NECTIN3: variants seen among roughly 807,000 people sequenced by gnomAD.
NECTIN3 encodes nectin cell adhesion molecule 3.
A neutral mutation model predicts 49.4 loss-of-function variants in NECTIN3; 8 were observed. The ratio of observed to expected loss-of-function variants is 0.16; its 90% CI spans 0.10 to 0.29. NECTIN3 has a LOEUF of 0.29. Ranked by LOEUF, NECTIN3 falls within the 10% of genes least tolerant of loss-of-function variation. The pLI, the probability that NECTIN3 is intolerant of heterozygous loss-of-function variation, is 1.00. For synonymous variants in NECTIN3, 277 were observed against 241.1 expected (o/e 1.15, Z -1.38); for missense variants, 581 against 654.6 (o/e 0.89, Z 1.23).
chr3:111,106,921 G>A (rs959792112), intron 1 of NECTIN3, among the ~76,000 whole-genome samples: 2 of 152,100 alleles, frequency 1.3e-5, no homozygotes, highest in South Asian at 4.2e-4. Flanking sequence ...TGCCATTACT[G>A]TAGGCTGAGA....
At chr3:111,177,267 A>G (rs2035547640) in intron 7 of NECTIN3, among the ~76,000 whole-genome samples, 1 of 152,134 alleles carries the variant, frequency 6.6e-6, no homozygotes, top group Non-Finnish European at 1.5e-5. Flanking sequence ...TTTATTATTT[A>G]AAAATATTTA....
intron 2 of NECTIN3, among the ~76,000 whole-genome samples, chr3:111,112,750 G>C (rs72937910): frequency 6.6e-6 from 1 of 151,580 alleles, no homozygotes; most frequent in African/African-American, 2.4e-5. Context: ...ATTGAGTTTT[G>C]CATCTAGGAG....
At chr3:111,166,937 A>G (rs1001930480) in intron 7 of NECTIN3, among the ~76,000 whole-genome samples, 6 of 152,184 alleles carry the variant, frequency 3.9e-5, no homozygotes, top group Admixed American at 6.5e-5. Flanking sequence ...AGGTAGGTAG[A>G]TAGATTTGAA....
intron 3 of NECTIN3, among the ~76,000 whole-genome samples, chr3:111,120,383 C>G (rs183036724): frequency 2.0e-5 from 3 of 152,064 alleles, no homozygotes; most frequent in Admixed American, 2.0e-4. Context: ...AATTGGAGAC[C>G]TATAAGACAT....
chr3:111,180,493 T>C (rs2035607126), intron 7 of NECTIN3, among the ~76,000 whole-genome samples: 1 of 152,222 alleles, frequency 6.6e-6, no homozygotes, highest in South Asian at 2.1e-4. Flanking sequence ...TTATAGTTGC[T>C]GATCCTGAAA....
Position 111,071,929 on chromosome 3 carries a change from C to A in NECTIN3, c.-89C>A. The A allele has an allele frequency of 2.1e-6, 2 of 932,340 alleles. No homozygotes were observed. Among genetic ancestry groups the A allele is most frequent in the Non-Finnish European group, 2.9e-6 (2 of 694,162 alleles). The allele number at this position is 932,340 out of a possible 1,614,324, so 57.8% of individuals were successfully genotyped here. A position where few individuals can be genotyped will look rare whatever the true frequency, so the allele number is the denominator to read the frequency against. ...GGGAGCTGGGGACGCGCGCGCCGGA[C>A]CTTCCACAGCCTCCGCCCAGAGCCT... On this transcript the variant is annotated 5_prime_UTR_variant, in exon 1 of 6. Transcript: ENST00000485303.
chr3:111,100,522 C>T (rs1331152282), intron 1 of NECTIN3, among the ~76,000 whole-genome samples: 2 of 152,036 alleles, frequency 1.3e-5, no homozygotes, highest in African/African-American at 4.8e-5. Flanking sequence ...CAAGATATCT[C>T]ATCATGTATA....
chr3:111,076,671 T>C (rs1217829963), intron 1 of NECTIN3, among the ~76,000 whole-genome samples: 1 of 152,160 alleles, frequency 6.6e-6, no homozygotes, highest in Non-Finnish European at 1.5e-5. Flanking sequence ...TAATCATTTA[T>C]TTAAAATCTG....
At position 111,072,508 on chromosome 3, in the gene NECTIN3, C is replaced by G. The variant is rs181883527; in HGVS notation, c.160+331C>G. Reference sequence around the variant, plus strand: ...CTTCCTCGCTCATTCTCTGGGAACCCTCGTAGGTTAAGGTGCCGGGATGCA... The same window carrying G: ...CTTCCTCGCTCATTCTCTGGGAACCGTCGTAGGTTAAGGTGCCGGGATGCA... On this transcript the variant is annotated intron_variant, in intron 1 of 5. Coordinates refer to ENST00000485303, the MANE Select transcript of NECTIN3 (RefSeq NM_015480.3). 2,310 of 1,535,900 alleles carry G rather than the reference C, an allele frequency of 1.5e-3. 3 individuals carry two copies. The highest frequency in any genetic ancestry group is 1.8e-3 in the Non-Finnish European group (2,083 of 1,146,798).
At chr3:111,168,741 A>C (rs918263586) in intron 7 of NECTIN3, among the ~76,000 whole-genome samples, 3 of 152,232 alleles carry the variant, frequency 2.0e-5, no homozygotes, top group Admixed American at 6.5e-5. Context: ...AAGTTCAGAG[A>C]CTACCGAAAG....
At chr3:111,123,992 C>G (rs1235562428) in intron 4 of NECTIN3, among the ~76,000 whole-genome samples, 1 of 152,054 alleles carries the variant, frequency 6.6e-6, no homozygotes, top group Non-Finnish European at 1.5e-5. Context: ...CTGTTTTCTC[C>G]TCTAGGGTTT....
In NECTIN3 at chr3:111,136,542, G is replaced by T. The variant is rs1028839133; in HGVS notation, c.*2327G>T. On this transcript the variant is annotated 3_prime_UTR_variant, in exon 6 of 6. Coordinates refer to ENST00000485303, the MANE Select transcript of NECTIN3 (RefSeq NM_015480.3). ...GCACTGTTGTTTATTAGAACTTTAT[G>T]TATATTTACTGTACATAGAGACTTG... 3.1e-6 allele frequency: 3 copies of T among 959,084 alleles called. No homozygotes were observed. The South Asian group carries it at 1.4e-4, about 46-fold the overall frequency. 59.4% of individuals were successfully genotyped at this position (959,084 alleles called of 1,614,324 possible). A position where few individuals can be genotyped will look rare whatever the true frequency, so the allele number is the denominator to read the frequency against.
intron 7 of NECTIN3, among the ~76,000 whole-genome samples, chr3:111,162,992 C>T (rs1246822456): frequency 6.6e-6 from 1 of 152,216 alleles, no homozygotes; most frequent in Non-Finnish European, 1.5e-5. Context: ...CTATTACTCT[C>T]TCTTATGATT....
intron 1 of NECTIN3, among the ~76,000 whole-genome samples, chr3:111,079,668 A>C (rs772484525): frequency 9.5e-4 from 144 of 151,848 alleles, no homozygotes; most frequent in Non-Finnish European, 1.1e-3. Flanking sequence ...ACATGATAGC[A>C]GCATTTCTCA....
intron 1 of NECTIN3, among the ~76,000 whole-genome samples, chr3:111,094,395 C>A (rs2032465794): frequency 6.6e-6 from 1 of 152,142 alleles, no homozygotes; most frequent in South Asian, 2.1e-4. Flanking sequence ...TTCAGTCTTA[C>A]TTTTTCATAT....
intron 2 of NECTIN3, among the ~76,000 whole-genome samples, chr3:111,113,039 A>G (rs1454725040): frequency 6.6e-6 from 1 of 152,208 alleles, no homozygotes; most frequent in Non-Finnish European, 1.5e-5. Flanking sequence ...TCACATGAAG[A>G]TCTACTGCCT....
intron 3 of NECTIN3, among the ~76,000 whole-genome samples, chr3:111,121,089 G>A (rs1576128936): frequency 1.4e-5 from 2 of 144,352 alleles, no homozygotes; most frequent in East Asian, 2.1e-4. Context: ...TGCAAGCTCC[G>A]CCTCCCGGGT....
At chr3:111,169,079 C>CTTTTTTTTTTT (rs142606359) in intron 7 of NECTIN3, among the ~76,000 whole-genome samples, 1 of 104,106 alleles carries the variant, frequency 9.6e-6, no homozygotes, top group Non-Finnish European at 1.8e-5. Context: ...ACTATTCAAA[C>CTTTTTTTTTTT]TTTTTTTTTT....
In NECTIN3 at chr3:111,133,949, G is replaced by A; in HGVS notation, c.1384G>A (p.Glu462Lys). 1.2e-6 allele frequency: 2 copies of A among 1,613,754 alleles called. No homozygotes were observed. The highest frequency in any genetic ancestry group is 1.1e-5 in the South Asian group (1 of 91,066). Residue 462 changes from glutamate to lysine, a missense_variant, in exon 6 of 6, where the codon GAG becomes AAG. Glu to Lys is a moderately conservative substitution (Grantham distance 56). Coordinates refer to ENST00000485303, the MANE Select transcript of NECTIN3 (RefSeq NM_015480.3). ...ESQIDVLQQD[E>K]LDSYPDSVKK... is the part of the protein sequence containing the mutation. ...ACAAATAGATGTTCTTCAACAAGATGAGCTTGATTCTTACCCAGACAGTGT... is the reference window on the plus strand; with the variant it reads ...ACAAATAGATGTTCTTCAACAAGATAAGCTTGATTCTTACCCAGACAGTGT...
Sources: gnomAD v4.1 joint callset for allele counts (sites outside exome capture counted in the v4.1 genomes callset) on GRCh38, gnomAD v4.1.1 for gene constraint, MANE v1.5 for transcripts, NCBI Gene and HGNC (gene_info 2026-07-23, HGNC 2026-07-21) for gene names.